Variants in SLC13A5 observed in about 807,000 individuals in gnomAD.
The protein encoded by SLC13A5 is Na(+)/citrate cotransporter.
SLC13A5 carries 25 observed loss-of-function variants against 56.5 expected under a neutral mutation model. The observed-to-expected ratio is 0.44, with a 90% CI of 0.32 to 0.62. SLC13A5 has a LOEUF of 0.62. Among genes scored for constraint, SLC13A5 ranks in the 20% least tolerant of loss-of-function variants. The probability of loss-of-function intolerance (pLI) is 0.04; values close to 1 mark genes in which losing one functional copy is unlikely to be tolerated. For missense variants in SLC13A5, 649 were observed against 737.8 expected (o/e 0.88, Z 1.39); for synonymous variants, 307 against 301.5 (o/e 1.02, Z -0.19).
At chr17:6,708,993 C>CTTTTTTTTTTTTTTTTTTTT (rs575087645) in intron 1 of SLC13A5, among the ~76,000 whole-genome samples, 3 of 133,036 alleles carry the variant, frequency 2.3e-5, no homozygotes, top group Non-Finnish European at 4.8e-5. Flanking sequence ...TCTTTTATTT[C>CTTTTTTTTTTTTTTTTTTTT]TTTTTTTTTT....
At chr17:6,690,060 GCAA>G (rs1973355738) in intron 10 of SLC13A5, 5 of 7,912 alleles carry the variant, frequency 6.3e-4, no homozygotes, top group African/African-American at 1.8e-3. Context: ...AGAAGGAAAT[GCAA>G]AAAAAAAAAA....
Position 6,713,238 on chromosome 17 carries a change from G to T in SLC13A5, c.96C>A (p.Pro32=). 1 of 1,613,876 alleles carries T rather than the reference G, an allele frequency of 6.2e-7. No individual in the cohort carries two copies. Among genetic ancestry groups the T allele is most frequent in the South Asian group, 1.1e-5 (1 of 91,082 alleles). ...LLLLPLVILM[P]AKFVRCAYVI... Reference sequence around the variant, plus strand: ...GCCTGGAGATGCAACTGACCTTGGCGGGCATCAGAATGACGAGTGGCAGCA... The same window carrying T: ...GCCTGGAGATGCAACTGACCTTGGCTGGCATCAGAATGACGAGTGGCAGCA... Residue 32 remains proline, a synonymous_variant, in exon 1 of 12, where the codon CCC becomes CCA. Coordinates refer to ENST00000433363, the MANE Select transcript of SLC13A5 (RefSeq NM_177550.5). This position sits in a 1 kb window ranked among gnomAD's most constrained non-coding sequence, Gnocchi z 7.3.
intron 9 of SLC13A5, among the ~76,000 whole-genome samples, chr17:6,691,792 T>C (rs546900569): frequency 1.3e-5 from 2 of 152,284 alleles, no homozygotes; most frequent in South Asian, 2.1e-4. Flanking sequence ...GATTTCCTCA[T>C]GTGCAGATCT....
rs1973702869 is a variant in SLC13A5 at position 6,701,158 on chromosome 17, G to T, written c.717-32C>A. 6.2e-7 allele frequency: 1 copy of T among 1,611,692 alleles called. No homozygotes were observed. The highest frequency in any genetic ancestry group is 1.1e-5 in the South Asian group (1 of 90,890). On this transcript the variant is annotated intron_variant, in intron 5 of 11. Transcript: ENST00000433363. The surrounding 1 kb of genome is among the most constrained non-coding windows in gnomAD (Gnocchi z 4.1). ...GAAGACACCGGCCCCCACCTCAGAT[G>T]CTGAGCTGTGGGAGCCAGCCTGGCC...
At position 6,703,780 on chromosome 17, in the gene SLC13A5, G is replaced by A. The variant is rs1489612927; in HGVS notation, c.547+98C>T. The stretch of plus-strand genomic sequence containing the variant: ...TATGCGTGTTTAAAGGAGGGCTCCG[G>A]GAAGCAGACAGGGAGAAGGAGGTGG... On this transcript the variant is annotated intron_variant, in intron 4 of 11. Transcript: ENST00000433363. The A allele has an allele frequency of 4.6e-6, 6 of 1,314,526 alleles. No homozygotes were observed. The East Asian group carries it at 1.2e-4, about 27-fold the overall frequency. The allele number at this position is 1,314,526 out of a possible 1,614,324, so 81.4% of individuals were successfully genotyped here.
rs1261006486 is a variant in SLC13A5 at position 6,693,149 on chromosome 17, T to C, written c.1170A>G (p.Pro390=). The C allele has an allele frequency of 1.3e-6, 2 of 1,596,938 alleles. No individual in the cohort carries two copies. Among genetic ancestry groups the C allele is most frequent in the Non-Finnish European group, 1.7e-6 (2 of 1,172,586 alleles). ...RSQTEEERKT[P]FYPPPLLDWK... ...AATCCAGCAGGGGAGGGGGATAAAATGGAGTTTTCCTTTCTGGGAAGAAAA... is the reference window on the plus strand; with the variant it reads ...AATCCAGCAGGGGAGGGGGATAAAACGGAGTTTTCCTTTCTGGGAAGAAAA... Residue 390 remains proline (P), a synonymous_variant, in exon 9 of 12, where the codon CCA becomes CCG. Coordinates refer to ENST00000433363, the MANE Select transcript of SLC13A5 (RefSeq NM_177550.5).
In SLC13A5 at chr17:6,692,529, T is replaced by C. The variant is rs114880966; in HGVS notation, c.1275+515A>G. 4.6e-3 allele frequency among the ~76,000 whole-genome samples: 699 copies of C among 152,344 alleles called. 3 individuals carry two copies. Among genetic ancestry groups the C allele is most frequent in the African/African-American group, 0.016 (655 of 41,580 alleles). ...AAGCTAGCTCATCCCTCCCTCTGGC[T>C]CATTTCTTCCCCAGGAGGGAAAGAA... On this transcript the variant is annotated intron_variant, in intron 9 of 11. Transcript: ENST00000433363. The surrounding 1 kb of genome is among the most constrained non-coding windows in gnomAD (Gnocchi z 5.5).
chr17:6,700,880 G>C, intron 6 of SLC13A5, 124 bp downstream of exon 6: 1 of 1,406,004 alleles, frequency 7.1e-7, no homozygotes, highest in South Asian at 1.3e-5. Flanking sequence ...GCAGGAGACA[G>C]GGCTGGAGAA....
chr17:6,699,582 T>C (rs1973656105), intron 6 of SLC13A5, among the ~76,000 whole-genome samples: 1 of 152,214 alleles, frequency 6.6e-6, no homozygotes, highest in African/African-American at 2.4e-5. Flanking sequence ...GCAATTCTCC[T>C]GCCTCAGCCT....
chr17:6,695,660 G>A, intron 7 of SLC13A5, 66 bp downstream of exon 7: 3 of 1,543,386 alleles, frequency 1.9e-6, no homozygotes, highest in Non-Finnish European at 2.7e-6. Flanking sequence ...CAAAGTGCTG[G>A]GATTACATGT....
At chr17:6,691,755 C>T (rs1014721285) in intron 9 of SLC13A5, among the ~76,000 whole-genome samples, 4 of 152,128 alleles carry the variant, frequency 2.6e-5, no homozygotes, top group Non-Finnish European at 4.4e-5. Flanking sequence ...CCTGCCCAGC[C>T]CAGGCCCCCA....
chr17:6,686,078 GT>G lies in SLC13A5; in HGVS notation c.*128del. 1 of 1,376,876 alleles carries G rather than the reference GT, an allele frequency of 7.3e-7. No individual in the cohort carries two copies. The highest frequency in any genetic ancestry group is 1.0e-6 in the Non-Finnish European group (1 of 1,002,878). 85.3% of individuals were successfully genotyped at this position (1,376,876 alleles called of 1,614,324 possible). A position where few individuals can be genotyped will look rare whatever the true frequency, so the allele number is the denominator to read the frequency against. On this transcript the variant is annotated 3_prime_UTR_variant, in exon 12 of 12. Transcript: ENST00000433363. ...GAGGAAGAGGTGGCCCATTGGCTGGGTTTTGGTGGTGTGTGGACATCGTTGG... is the reference window on the plus strand; with the variant it reads ...GAGGAAGAGGTGGCCCATTGGCTGGGTTTGGTGGTGTGTGGACATCGTTGG...
In SLC13A5 at chr17:6,704,563, G is replaced by A. The variant is rs1352363202; in HGVS notation, c.369-507C>T. 4 of 260,814 alleles carry A rather than the reference G, an allele frequency of 1.5e-5. No individual in the cohort carries two copies. The Admixed American group carries it at 1.8e-4, about 11-fold the overall frequency. 16.2% of individuals were successfully genotyped at this position (260,814 alleles called of 1,614,324 possible). A position where few individuals can be genotyped will look rare whatever the true frequency, so the allele number is the denominator to read the frequency against. ...AAGCAGAGTAGGGGTAGGGTGAGCT[G>A]GGGAGGGAGCTTGGGAAAGTGTGAC... On this transcript the variant is annotated intron_variant, in intron 3 of 11. Transcript: ENST00000433363.
chr17:6,708,403 G>A (rs1973929141), intron 1 of SLC13A5, among the ~76,000 whole-genome samples: 1 of 152,214 alleles, frequency 6.6e-6, no homozygotes, highest in Non-Finnish European at 1.5e-5. Flanking sequence ...ACCACAACCA[G>A]TGCGTGACTC....
At chr17:6,708,631 A>C (rs537754973) in intron 1 of SLC13A5, among the ~76,000 whole-genome samples, 13 of 152,386 alleles carry the variant, frequency 8.5e-5, no homozygotes, top group African/African-American at 2.9e-4. Flanking sequence ...AGGGAATGTG[A>C]GCTATACATA....
chr17:6,709,519 C>T (rs752508279), intron 1 of SLC13A5, among the ~76,000 whole-genome samples: 6 of 149,586 alleles, frequency 4.0e-5, no homozygotes, highest in Admixed American at 2.7e-4. Context: ...CCACCTGTCT[C>T]GGCCTCCCAA....
chr17:6,709,563 C>T (rs974349271), intron 1 of SLC13A5, among the ~76,000 whole-genome samples: 29 of 152,148 alleles, frequency 1.9e-4, no homozygotes, highest in Non-Finnish European at 7.3e-5. Flanking sequence ...CCACTGTGCC[C>T]GGCCATCTTT....
At chr17:6,689,475 G>A (rs1345197696) in intron 10 of SLC13A5, 1 of 152,310 alleles carries the variant, frequency 6.6e-6, no homozygotes, top group East Asian at 1.9e-4. Flanking sequence ...CGTTTTCAAA[G>A]AGCCCGTTAG....
At chr17:6,695,184 G>C (rs538365609) in intron 7 of SLC13A5, among the ~76,000 whole-genome samples, 1 of 152,264 alleles carries the variant, frequency 6.6e-6, no homozygotes, top group African/African-American at 2.4e-5. Context: ...GGGAGGAGAG[G>C]ATACCACAGG....
Sources: gnomAD v4.1 joint callset for allele counts (sites outside exome capture counted in the v4.1 genomes callset) on GRCh38, gnomAD v4.1.1 for gene constraint, Gnocchi (gnomAD v3.1) non-coding constraint, MANE v1.5 for transcripts, NCBI Gene and HGNC (gene_info 2026-07-23, HGNC 2026-07-21) for gene names.